OVCH1: variants seen among roughly 807,000 people sequenced by gnomAD.
OVCH1 encodes ovochymase 1.
OVCH1 carries 139 observed loss-of-function variants against 138.4 expected under a neutral mutation model. The ratio of observed to expected loss-of-function variants is 1.00; its 90% CI spans 0.87 to 1.16. The LOEUF is 1.16. Among genes scored for constraint, OVCH1 ranks in the 50% most tolerant of loss-of-function variants. The pLI, the probability that OVCH1 is intolerant of heterozygous loss-of-function variation, is 0.00. For synonymous variants in OVCH1, 453 were observed against 467.8 expected, an observed-to-expected ratio of 0.97 and a Z score of 0.41; for missense variants, 1,367 against 1,357.9, an observed-to-expected ratio of 1.01 and a Z score of -0.11.
intron 26 of OVCH1, among the ~76,000 whole-genome samples, chr12:29,434,475 A>T (rs1269401338): frequency 6.6e-6 from 1 of 152,194 alleles, no homozygotes; most frequent in Non-Finnish European, 1.5e-5. Context: ...TAATTTACTT[A>T]TTCGATAACA....
intron 21 of OVCH1, among the ~76,000 whole-genome samples, chr12:29,452,988 A>G (rs891653708): frequency 9.9e-5 from 15 of 152,198 alleles, no homozygotes; most frequent in Admixed American, 3.9e-4. Context: ...CATTTTAACA[A>G]TGTTCATTTT....
chr12:29,455,426 G>T, intron 19 of OVCH1, 21 bp from the exon 20 acceptor site: 1 of 1,579,306 alleles, frequency 6.3e-7, no homozygotes, highest in South Asian at 1.2e-5. Context: ...AAGAAAACAT[G>T]TTTTAGAAAA....
chr12:29,487,212 G>T (rs1234256812), intron 7 of OVCH1: 2 of 194,326 alleles, frequency 1.0e-5, no homozygotes, highest in African/African-American at 4.7e-5. Context: ...GCAGACGACA[G>T]GTTTGGTATC....
At chr12:29,444,278 G>A (rs758226282) in exon 24 of OVCH1, 1 of 1,609,984 alleles carries the variant, frequency 6.2e-7, no homozygotes. Flanking sequence ...CTGTCCTTTG[G>A]ACCTAAAAGA....
the OVCH1 span, among the ~76,000 whole-genome samples, chr12:29,404,850 G>A: frequency 6.6e-6 from 1 of 151,576 alleles, no homozygotes; most frequent in Non-Finnish European, 1.5e-5. Context: ...GGGAAACCCC[G>A]TTGCTACTAA....
At chr12:29,476,962 T>C in intron 12 of OVCH1, 140 bp downstream of exon 12, 2 of 1,059,848 alleles carry the variant, frequency 1.9e-6, no homozygotes, top group Non-Finnish European at 2.6e-6. Context: ...AGAGATTTCT[T>C]TTCAGAGTAA....
At chr12:29,405,067 GATC>G in the OVCH1 span, among the ~76,000 whole-genome samples, 1 of 112,892 alleles carries the variant, frequency 8.9e-6, no homozygotes, top group African/African-American at 3.9e-5. Context: ...CAAAAGAAAT[GATC>G]ATGTTTGTAG....
At chr12:29,494,611 T>C (rs1013574478) in intron 4 of OVCH1, among the ~76,000 whole-genome samples, 5 of 152,180 alleles carry the variant, frequency 3.3e-5, no homozygotes, top group African/African-American at 4.8e-5. Flanking sequence ...ATGTAGTATA[T>C]ATACACAACG....
the OVCH1 span, among the ~76,000 whole-genome samples, chr12:29,405,445 A>G: frequency 6.6e-6 from 1 of 152,178 alleles, no homozygotes; most frequent in Non-Finnish European, 1.5e-5. Context: ...CTGTTATACC[A>G]TGTTAGAAAA....
intron 6 of OVCH1, 118 bp downstream of exon 6, chr12:29,489,502 G>T: frequency 8.4e-7 from 1 of 1,187,720 alleles, no homozygotes; most frequent in Middle Eastern, 2.7e-4. Context: ...AGGAAAAGAT[G>T]AAGGGAAAAA....
At chr12:29,475,721 GA>G (rs1942684073) in intron 13 of OVCH1, among the ~76,000 whole-genome samples, 2 of 152,156 alleles carry the variant, frequency 1.3e-5, no homozygotes, top group African/African-American at 4.8e-5. Flanking sequence ...ACTAGGTCCT[GA>G]AAAAGTGGTT....
intron 16 of OVCH1, among the ~76,000 whole-genome samples, chr12:29,470,959 C>A (rs942483476): frequency 2.6e-5 from 4 of 152,132 alleles, no homozygotes; most frequent in African/African-American, 9.7e-5. Context: ...TTGCATTTCT[C>A]TAATGACCAG....
At chr12:29,443,552 G>A (rs1405644436) in intron 24 of OVCH1, 52 bp from the exon 25 acceptor site, 3 of 1,468,222 alleles carry the variant, frequency 2.0e-6, no homozygotes, top group Non-Finnish European at 2.7e-6. Flanking sequence ...AGAATATATT[G>A]TTAGTTATTT....
chr12:29,494,559 A>G lies in OVCH1; in HGVS notation c.454+726T>C, dbSNP rs376964933. Among the ~76,000 whole-genome samples, 11 of 152,304 alleles carry G rather than the reference A, an allele frequency of 7.2e-5. No individual in the cohort carries two copies. The East Asian group carries it at 1.5e-3, about 21-fold the overall frequency. On this transcript the variant is annotated intron_variant, in intron 4 of 27. Transcript: ENST00000318184. The stretch of plus-strand genomic sequence containing the variant: ...GAGTCCTTAAAATACCAGTTGGCCA[A>G]AATATGGACTTAAGTTGTTCATCAA...
chr12:29,422,721 A>C (rs1296128814), downstream of OVCH1, among the ~76,000 whole-genome samples: 1 of 152,184 alleles, frequency 6.6e-6, no homozygotes, highest in Non-Finnish European at 1.5e-5. Context: ...TTTTATTCAG[A>C]GAAGTTAGTA....
chr12:29,429,199 A>G (rs1284335062), intron 27 of OVCH1, among the ~76,000 whole-genome samples: 1 of 152,232 alleles, frequency 6.6e-6, no homozygotes, highest in Non-Finnish European at 1.5e-5. Flanking sequence ...TTTTCAAAAA[A>G]GTTACCATCT....
At chr12:29,421,470 C>G (rs923258648) in intron 3 of OVCH1, among the ~76,000 whole-genome samples, 3 of 151,980 alleles carry the variant, frequency 2.0e-5, no homozygotes, top group Non-Finnish European at 1.5e-5. Context: ...ATAAAGTTAA[C>G]TAAAATATTA....
chr12:29,410,376 C>T (rs1940939196), downstream of OVCH1, among the ~76,000 whole-genome samples: 2 of 151,064 alleles, frequency 1.3e-5, no homozygotes, highest in African/African-American at 2.4e-5. Context: ...TTATTTTGCT[C>T]GTTAGTTGAT....
chr12:29,419,293 A>AT (rs547040895), intron 3 of OVCH1, among the ~76,000 whole-genome samples: 16,215 of 147,602 alleles, frequency 0.11, 1,161 homozygotes, highest in Admixed American at 0.27. Flanking sequence ...ACAAAGTATG[A>AT]TTTTTTTTTT....
Sources: gnomAD v4.1 joint callset for allele counts (sites outside exome capture counted in the v4.1 genomes callset) on GRCh38, gnomAD v4.1.1 for gene constraint, MANE v1.5 for transcripts, NCBI Gene and HGNC (gene_info 2026-07-23, HGNC 2026-07-21) for gene names.